ZNF804B: variants seen among roughly 807,000 people sequenced by gnomAD.
ZNF804B encodes the protein zinc finger 804B.
In ZNF804B, 80 loss-of-function variants were observed where a neutral mutation model predicts 101.4. That is an observed-to-expected ratio of 0.79 (90% CI 0.66 to 0.95). The LOEUF is 0.95. ZNF804B is among the 40% of genes least tolerant of loss of function. The pLI, the probability that ZNF804B is intolerant of heterozygous loss-of-function variation, is 0.00. For missense variants in ZNF804B, 1,673 were observed against 1,561.9 expected (o/e 1.07, Z -1.20); for synonymous variants, 622 against 558.8 (o/e 1.11, Z -1.59).
chr7:89,060,500 A>G (rs207468219), intron 1 of ZNF804B, among the ~76,000 whole-genome samples: 1 of 152,136 alleles, frequency 6.6e-6, no homozygotes, highest in Non-Finnish European at 1.5e-5. Context: ...GACAGCATCT[A>G]CTTACAAAAT....
chr7:89,047,208 C>G (rs1584093734), intron 1 of ZNF804B, among the ~76,000 whole-genome samples: 1 of 152,062 alleles, frequency 6.6e-6, no homozygotes, highest in East Asian at 1.9e-4. Context: ...TATTCTCTGC[C>G]TTGGACTTTG....
chr7:88,926,930 G>A (rs1178193845), intron 1 of ZNF804B, among the ~76,000 whole-genome samples: 1 of 104,978 alleles, frequency 9.5e-6, no homozygotes, highest in South Asian at 3.1e-4. Flanking sequence ...GATGTCTGCC[G>A]GGTGGTGGGG....
chr7:88,891,543 C>T (rs1160023647), intron 1 of ZNF804B, among the ~76,000 whole-genome samples: 1 of 151,834 alleles, frequency 6.6e-6, no homozygotes, highest in Non-Finnish European at 1.5e-5. Flanking sequence ...ATTGCCTTTA[C>T]CTCGTTTGAA....
At chr7:89,264,612 G>T (rs192195951) in intron 2 of ZNF804B, among the ~76,000 whole-genome samples, 39 of 152,142 alleles carry the variant, frequency 2.6e-4, no homozygotes, top group African/African-American at 9.4e-4. Flanking sequence ...TCTCTCCCCA[G>T]TGCCTGTTAA....
intron 1 of ZNF804B, among the ~76,000 whole-genome samples, chr7:89,162,095 A>T (rs1345969245): frequency 6.6e-6 from 1 of 151,958 alleles, no homozygotes; most frequent in Non-Finnish European, 1.5e-5. Context: ...TGTATATTTC[A>T]GTCTGTAGCA....
chr7:88,982,872 A>G (rs1230096783), intron 1 of ZNF804B, among the ~76,000 whole-genome samples: 7 of 152,058 alleles, frequency 4.6e-5, no homozygotes, highest in African/African-American at 1.7e-4. Flanking sequence ...ATGGGAAGGA[A>G]TCTGACTCCA....
intron 2 of ZNF804B, among the ~76,000 whole-genome samples, chr7:89,232,790 CA>C (rs1436625383): frequency 1.3e-5 from 2 of 152,102 alleles, no homozygotes. Flanking sequence ...GGTTTATGAA[CA>C]TTAGTAATCT....
intron 1 of ZNF804B, among the ~76,000 whole-genome samples, chr7:89,042,014 C>T (rs1336119540): frequency 6.6e-6 from 1 of 152,064 alleles, no homozygotes; most frequent in East Asian, 1.9e-4. Context: ...ACTATTCCTA[C>T]CAGAGGAGTC....
At chr7:89,021,168 G>C (rs962105957) in intron 1 of ZNF804B, among the ~76,000 whole-genome samples, 4 of 152,094 alleles carry the variant, frequency 2.6e-5, no homozygotes, top group African/African-American at 9.7e-5. Flanking sequence ...TGAGGTGCAC[G>C]GGCTTTGATT....
chr7:88,856,787 A>G (rs1791566452), intron 1 of ZNF804B, among the ~76,000 whole-genome samples: 1 of 152,110 alleles, frequency 6.6e-6, no homozygotes, highest in Non-Finnish European at 1.5e-5. Context: ...TCCCATCAAT[A>G]CCTAGTTTAT....
At chr7:88,941,830 T>C (rs999147274) in intron 1 of ZNF804B, among the ~76,000 whole-genome samples, 2 of 151,944 alleles carry the variant, frequency 1.3e-5, no homozygotes, top group Non-Finnish European at 2.9e-5. Flanking sequence ...AGATCTTTGA[T>C]GTGGCTTTTT....
chr7:89,185,433 GCCA>G (rs1293755546), intron 1 of ZNF804B, among the ~76,000 whole-genome samples: 1 of 152,140 alleles, frequency 6.6e-6, no homozygotes, highest in African/African-American at 2.4e-5. Flanking sequence ...ACACCCCTGT[GCCA>G]TAGTAACTCT....
At chr7:88,940,804 TA>T (rs1793044957) in intron 1 of ZNF804B, among the ~76,000 whole-genome samples, 8 of 145,748 alleles carry the variant, frequency 5.5e-5, no homozygotes, top group African/African-American at 2.1e-4. Flanking sequence ...ATAATAATAA[TA>T]ATAGAATGTA....
At chr7:88,864,637 T>C (rs1027171950) in intron 1 of ZNF804B, among the ~76,000 whole-genome samples, 5 of 152,176 alleles carry the variant, frequency 3.3e-5, no homozygotes, top group African/African-American at 1.2e-4. Flanking sequence ...TGTATTGATG[T>C]TAACTCCCCT....
intron 1 of ZNF804B, among the ~76,000 whole-genome samples, chr7:89,010,300 C>T (rs921375882): frequency 3.3e-5 from 5 of 152,062 alleles, no homozygotes; most frequent in Non-Finnish European, 5.9e-5. Context: ...AGAAACGGAA[C>T]CAGGAATTGT....
At chr7:89,305,709 A>G (rs889891835) in intron 2 of ZNF804B, among the ~76,000 whole-genome samples, 11 of 152,078 alleles carry the variant, frequency 7.2e-5, no homozygotes, top group Non-Finnish European at 1.5e-5. Context: ...ATGATAAAAT[A>G]TCAATCTTCA....
At chr7:89,204,460 A>C (rs1788688412) in intron 1 of ZNF804B, among the ~76,000 whole-genome samples, 1 of 152,142 alleles carries the variant, frequency 6.6e-6, no homozygotes, top group South Asian at 2.1e-4. Context: ...CACAGTAGAC[A>C]CATTCCAAAA....
chr7:88,800,594 GAT>G (rs1464771457), intron 1 of ZNF804B, among the ~76,000 whole-genome samples: 3 of 151,838 alleles, frequency 2.0e-5, no homozygotes, highest in Non-Finnish European at 4.4e-5. Flanking sequence ...AGAGTGCTAA[GAT>G]ATAAACAATG....
rs143468643 is a variant in ZNF804B at position 89,334,150 on chromosome 7, C to G, written c.1168C>G (p.Leu390Val). The change falls in exon 4 of 4, where the codon CTG (leucine) becomes GTG (valine). Residue 390 changes from leucine to valine, a missense_variant. Leu to Val is a conservative substitution (Grantham distance 32). Coordinates refer to ENST00000333190, the MANE Select transcript of ZNF804B (RefSeq NM_181646.5). ...TGAATGCCTGGATGAGTTTTCATCACTGGAGCCAAGTGAACAAAAGAGTAC... is the reference window on the plus strand; with the variant it reads ...TGAATGCCTGGATGAGTTTTCATCAGTGGAGCCAAGTGAACAAAAGAGTAC... The part of the protein sequence containing the change: ...ISECLDEFSS[L>V]EPSEQKSTVH... The G allele has an allele frequency of 6.2e-7, 1 of 1,613,572 alleles. No individual in the cohort carries two copies. Among genetic ancestry groups the G allele is most frequent in the Non-Finnish European group, 8.5e-7 (1 of 1,179,842 alleles).
Sources: gnomAD v4.1 joint callset for allele counts (sites outside exome capture counted in the v4.1 genomes callset) on GRCh38, gnomAD v4.1.1 for gene constraint, MANE v1.5 for transcripts, NCBI Gene and HGNC (gene_info 2026-07-23, HGNC 2026-07-21) for gene names.